Variants in NCAPD3 observed in about 807,000 individuals in gnomAD.
The protein encoded by NCAPD3 is non-SMC condensin II complex subunit D3, also known as condensin-2 complex subunit D3.
Under a neutral mutation model 182.9 loss-of-function variants are expected in NCAPD3, and 105 were observed. That is an observed-to-expected ratio of 0.57 (90% CI 0.49 to 0.68). The LOEUF is 0.68. Among genes scored for constraint, NCAPD3 ranks in the 30% least tolerant of loss-of-function variants. NCAPD3 has a pLI of 0.00. For synonymous variants in NCAPD3, 815 were observed against 679.9 expected (o/e 1.20, Z -3.09); for missense variants, 1,944 against 1,837.0 (o/e 1.06, Z -1.07).
intron 31 of NCAPD3, 36 bp from the exon 32 acceptor site, chr11:134,157,131 C>A: frequency 6.5e-7 from 1 of 1,532,250 alleles, no homozygotes. Flanking sequence ...CAGAAATACC[C>A]CCAAACAATA....
At chr11:134,196,446 C>T (rs191496780) in intron 13 of NCAPD3, among the ~76,000 whole-genome samples, 6 of 151,928 alleles carry the variant, frequency 3.9e-5, no homozygotes, top group African/African-American at 1.2e-4. Flanking sequence ...GAGTTCAAGA[C>T]CAGCCTGACC....
intron 3 of NCAPD3, among the ~76,000 whole-genome samples, chr11:134,211,159 C>T (rs1937819267): frequency 6.6e-6 from 1 of 152,130 alleles, no homozygotes; most frequent in Non-Finnish European, 1.5e-5. Flanking sequence ...TCAGTAGAGA[C>T]CTCAGAACAA....
At chr11:134,212,375 T>TTGTGTGTGTGTGTGTGTG (rs56807520) in intron 3 of NCAPD3, among the ~76,000 whole-genome samples, 3,113 of 143,186 alleles carry the variant, frequency 0.022, 46 homozygotes, top group South Asian at 0.052. Context: ...TTTTGTTGTT[T>TTGTGTGTGTGTGTGTGTG]TGTGTGTGTG....
intron 16 of NCAPD3, among the ~76,000 whole-genome samples, chr11:134,187,968 G>C (rs562416145): frequency 1.3e-5 from 2 of 152,192 alleles, no homozygotes; most frequent in Admixed American, 1.3e-4. Flanking sequence ...CCTCCTATAG[G>C]GCCTTTACAG....
At chr11:134,175,073 G>A (rs1013890809) in intron 24 of NCAPD3, among the ~76,000 whole-genome samples, 2 of 152,140 alleles carry the variant, frequency 1.3e-5, no homozygotes, top group Admixed American at 6.5e-5. Flanking sequence ...CTTACTACAC[G>A]GTAAAGTATA....
intron 19 of NCAPD3, among the ~76,000 whole-genome samples, chr11:134,183,324 T>C (rs1379267289): frequency 6.6e-6 from 1 of 152,156 alleles, no homozygotes; most frequent in African/African-American, 2.4e-5. Flanking sequence ...ATCCCAGCAC[T>C]TTGGGAGGCT....
intron 26 of NCAPD3, 25 bp downstream of exon 26, chr11:134,168,444 T>C: frequency 3.1e-6 from 5 of 1,612,760 alleles, no homozygotes; most frequent in Non-Finnish European, 4.2e-6. Flanking sequence ...ACACACACAT[T>C]TTCTCCCACA....
rs1779835850 is a variant in NCAPD3, at chr11:134,169,063, G to C, written c.3102-9C>G. 6.2e-7 allele frequency: 1 copy of C among 1,611,640 alleles called. No homozygotes were observed. The highest frequency in any genetic ancestry group is 1.1e-5 in the South Asian group (1 of 90,568). On this transcript the variant is annotated splice_polypyrimidine_tract_variant and intron_variant, in intron 24 of 34. Coordinates refer to ENST00000534548, the MANE Select transcript of NCAPD3 (RefSeq NM_015261.3). The stretch of plus-strand genomic sequence containing the variant: ...GGCAAAACTCCCCGAAGCTGCAAAG[G>C]TGAGAGAAACAAAGAGGGAGACCCA...
intron 3 of NCAPD3, among the ~76,000 whole-genome samples, chr11:134,215,715 C>T (rs1055330771): frequency 1.3e-5 from 2 of 152,186 alleles, no homozygotes; most frequent in African/African-American, 4.8e-5. Context: ...ATTGGCAATA[C>T]TTCACAAACT....
chr11:134,193,921 A>G, intron 15 of NCAPD3, 95 bp downstream of exon 15: 1 of 1,311,194 alleles, frequency 7.6e-7, no homozygotes, highest in African/African-American at 1.5e-5. Context: ...GAGTTTTTAA[A>G]GGTCAACTTA....
At chr11:134,172,136 C>T (rs1047015234) in intron 24 of NCAPD3, among the ~76,000 whole-genome samples, 6 of 152,222 alleles carry the variant, frequency 3.9e-5, no homozygotes, top group African/African-American at 1.4e-4. Context: ...TGTTAAGACG[C>T]CTCCACCTCC....
At chr11:134,180,001 T>C (rs1317203472) in intron 20 of NCAPD3, among the ~76,000 whole-genome samples, 1 of 151,682 alleles carries the variant, frequency 6.6e-6, no homozygotes, top group Non-Finnish European at 1.5e-5. Flanking sequence ...GAGTAGATTT[T>C]GATGACACGG....
At chr11:134,166,915 ACT>A (rs537065560) in intron 27 of NCAPD3, among the ~76,000 whole-genome samples, 17 of 129,872 alleles carry the variant, frequency 1.3e-4, no homozygotes, top group Admixed American at 2.3e-4. Flanking sequence ...GGAGGCGCAC[ACT>A]CGTGAGATGA....
chr11:134,207,766 A>C (rs867682816), intron 7 of NCAPD3, among the ~76,000 whole-genome samples: 2 of 149,290 alleles, frequency 1.3e-5, no homozygotes, highest in Middle Eastern at 3.5e-3. Flanking sequence ...AAAAAAAAAA[A>C]ACCATCTTTA....
chr11:134,152,728 C>CTAAA lies in NCAPD3; in HGVS notation c.*212_*215dup. ...ATTAAACAGATTAGGGTAAGAAAAT[C>CTAAA]TAAATCTGGCACATCTCTATTATTT... On this transcript the variant is annotated 3_prime_UTR_variant, in exon 35 of 35. Coordinates refer to ENST00000534548, the MANE Select transcript of NCAPD3 (RefSeq NM_015261.3). 1 of 456,984 alleles carries CTAAA rather than the reference C, an allele frequency of 2.2e-6. No individual in the cohort carries two copies. The allele number at this position is 456,984 out of a possible 1,614,324, so 28.3% of individuals were successfully genotyped here. A position where few individuals can be genotyped will look rare whatever the true frequency, so the allele number is the denominator to read the frequency against.
rs1943243900 is a variant in NCAPD3 at position 134,151,762 on chromosome 11, T to A, written c.*1182A>T. On this transcript the variant is annotated 3_prime_UTR_variant, in exon 35 of 35. Transcript: ENST00000534548. Reference sequence around the variant, plus strand: ...GCTTCAAAAAAACCCAAACATTGCTTCATTCTTTGTTATTTGCTCTTACGT... The same window carrying A: ...GCTTCAAAAAAACCCAAACATTGCTACATTCTTTGTTATTTGCTCTTACGT... The A allele has an allele frequency of 6.6e-6, 1 of 152,198 alleles. No homozygotes were observed. The highest frequency in any genetic ancestry group is 1.5e-5 in the Non-Finnish European group (1 of 68,032). The allele number at this position is 152,198 out of a possible 1,614,324, so 9.4% of individuals were successfully genotyped here. A position where few individuals can be genotyped will look rare whatever the true frequency, so the allele number is the denominator to read the frequency against.
intron 16 of NCAPD3, among the ~76,000 whole-genome samples, chr11:134,191,808 C>A (rs1021057078): frequency 1.3e-5 from 2 of 152,202 alleles, no homozygotes; most frequent in Admixed American, 6.5e-5. Context: ...TCTGCATATA[C>A]TTAATGAGAT....
In NCAPD3 at chr11:134,206,729, T is replaced by C; in HGVS notation, c.886A>G (p.Ile296Val). Residue 296 changes from isoleucine (I) to valine (V), a missense_variant, in exon 8 of 35, where the codon ATC becomes GTC. This residue lies in a region of NCAPD3 where 1,803 missense variants were observed against 1,674.6 expected (regional missense o/e 1.08). Transcript: ENST00000534548. ...AGCATTTGATGGAAAACACAACTGA[T>C]GACCTAGAAGAGAAAAGAAAATTCA... ...SPIHGEGDKV[I>V]SCVFHQMLSV... is the part of the protein sequence containing the mutation. The C allele has an allele frequency of 6.2e-7, 1 of 1,608,116 alleles. No individual in the cohort carries two copies. The highest frequency in any genetic ancestry group is 8.5e-7 in the Non-Finnish European group (1 of 1,177,882).
Position 134,177,462 on chromosome 11 carries a change from C to T in NCAPD3, c.2783-5G>A. On this transcript the variant is annotated splice_region_variant and splice_polypyrimidine_tract_variant and intron_variant, in intron 22 of 34. Coordinates refer to ENST00000534548, the MANE Select transcript of NCAPD3 (RefSeq NM_015261.3). Reference sequence around the variant, plus strand: ...CGTGCTGTAAGCACAGCTTACCTGGCACAGAAGACAGGAAGATGTCTCAAC... The same window carrying T: ...CGTGCTGTAAGCACAGCTTACCTGGTACAGAAGACAGGAAGATGTCTCAAC... 1 of 1,608,128 alleles carries T rather than the reference C, an allele frequency of 6.2e-7. No homozygotes were observed. The highest frequency in any genetic ancestry group is 1.3e-5 in the African/African-American group (1 of 74,966).
Sources: gnomAD v4.1 joint callset for allele counts (sites outside exome capture counted in the v4.1 genomes callset) on GRCh38, gnomAD v4.1.1 for gene constraint, gnomAD v4.1.1 regional missense constraint, MANE v1.5 for transcripts, NCBI Gene and HGNC (gene_info 2026-07-23, HGNC 2026-07-21) for gene names.